HDAC9: variants seen among roughly 807,000 people sequenced by gnomAD.
The protein encoded by HDAC9 is histone deacetylase 9.
A neutral mutation model predicts 139.4 loss-of-function variants in HDAC9; 41 were observed. That is an observed-to-expected ratio of 0.29 (90% CI 0.23 to 0.38). The LOEUF is 0.38. Ranked by LOEUF, HDAC9 falls within the 10% of genes least tolerant of loss-of-function variation. The pLI is 1.00. For synonymous variants in HDAC9, 517 were observed against 476.2 expected, an observed-to-expected ratio of 1.09 and a Z score of -1.12; for missense variants, 1,147 against 1,297.0, an observed-to-expected ratio of 0.88 and a Z score of 1.78.
At chr7:18,868,307 A>C (rs12536081) in intron 21 of HDAC9, among the ~76,000 whole-genome samples, 67,993 of 151,938 alleles carry the variant, frequency 0.45, 16,043 homozygotes, top group African/African-American at 0.6. Flanking sequence ...CTGGATCCCC[A>C]TAAATGACAA....
intron 2 of HDAC9, among the ~76,000 whole-genome samples, chr7:18,218,092 G>A (rs1203390524): frequency 1.3e-5 from 2 of 152,158 alleles, no homozygotes; most frequent in Non-Finnish European, 2.9e-5. Flanking sequence ...GCTGCAGAGT[G>A]AGTGATCCAA....
chr7:18,861,125 TAA>T (rs916841846), intron 21 of HDAC9, among the ~76,000 whole-genome samples: 2 of 152,206 alleles, frequency 1.3e-5, no homozygotes, highest in African/African-American at 4.8e-5. Flanking sequence ...GTTGCAAACT[TAA>T]AGACACATTT....
At chr7:18,567,340 C>T (rs1355945837) in intron 2 of HDAC9, among the ~76,000 whole-genome samples, 1 of 152,166 alleles carries the variant, frequency 6.6e-6, no homozygotes, top group African/African-American at 2.4e-5. Context: ...GAGCATTTAC[C>T]TTAGCATAGA....
At position 18,815,199 on chromosome 7, in the gene HDAC9, C is replaced by T. The variant is rs185411890; in HGVS notation, c.2323-13962C>T. Among the ~76,000 whole-genome samples the T allele has an allele frequency of 5.8e-3, 877 of 151,624 alleles. 6 individuals are homozygous for T. The highest frequency in any genetic ancestry group is 0.012 in the Admixed American group (184 of 15,248). The stretch of plus-strand genomic sequence containing the variant: ...AAAAACAAAAACAAATCTTCTTCTT[C>T]CCTAATTTATTTTTTTTTTGAAGTT... On this transcript the variant is annotated intron_variant, in intron 17 of 25. Coordinates refer to ENST00000686413, the MANE Select transcript of HDAC9 (RefSeq NM_178425.4).
chr7:18,648,794 GA>G, intron 11 of HDAC9, 111 bp downstream of exon 11: 1 of 893,314 alleles, frequency 1.1e-6, no homozygotes, highest in Non-Finnish European at 1.8e-6. Context: ...CAGCAAAAAG[GA>G]TGTGATCATC....
intron 1 of HDAC9, among the ~76,000 whole-genome samples, chr7:18,131,289 C>G (rs1009319785): frequency 6.6e-6 from 1 of 151,944 alleles, no homozygotes; most frequent in African/African-American, 2.4e-5. Flanking sequence ...ATTCAGTGCC[C>G]AATATTTGTT....
At chr7:18,530,904 T>G (rs1008344266) in intron 2 of HDAC9, among the ~76,000 whole-genome samples, 1 of 151,738 alleles carries the variant, frequency 6.6e-6, no homozygotes, top group Middle Eastern at 3.4e-3. Context: ...TATAAAGGCT[T>G]ACAGTGAAAA....
intron 1 of HDAC9, among the ~76,000 whole-genome samples, chr7:18,472,444 TCA>T (rs1794797780): frequency 6.6e-6 from 1 of 152,138 alleles, no homozygotes; most frequent in Non-Finnish European, 1.5e-5. Flanking sequence ...CCCCGGAAGC[TCA>T]GTCTTTGTTC....
intron 17 of HDAC9, among the ~76,000 whole-genome samples, chr7:18,806,442 G>GTA (rs1793715960): frequency 6.6e-6 from 1 of 152,068 alleles, no homozygotes; most frequent in Non-Finnish European, 1.5e-5. Flanking sequence ...GCTGCCCTTA[G>GTA]CTCCTAGAGT....
chr7:18,332,509 T>A (rs1486335357), intron 1 of HDAC9, among the ~76,000 whole-genome samples: 1 of 151,402 alleles, frequency 6.6e-6, no homozygotes, highest in Non-Finnish European at 1.5e-5. Flanking sequence ...TACTTAAAAT[T>A]GAGTATATTC....
intron 12 of HDAC9, chr7:18,667,281 A>G (rs541892167): frequency 1.0e-6 from 1 of 985,062 alleles, no homozygotes; most frequent in East Asian, 1.1e-4. Flanking sequence ...TGGTCCAATC[A>G]GATACAATAT....
chr7:18,243,534 C>CA (rs1264105129), intron 2 of HDAC9, among the ~76,000 whole-genome samples: 2 of 152,228 alleles, frequency 1.3e-5, no homozygotes, highest in Non-Finnish European at 2.9e-5. Flanking sequence ...AAATTCCACT[C>CA]AGAGTGGGGA....
chr7:18,304,644 C>T (rs1488634814), intron 1 of HDAC9, among the ~76,000 whole-genome samples: 2 of 152,062 alleles, frequency 1.3e-5, no homozygotes, highest in Non-Finnish European at 2.9e-5. Flanking sequence ...ATCAGTGAAT[C>T]TCAGAAACTA....
At chr7:18,301,718 G>A (rs539030115) in intron 1 of HDAC9, among the ~76,000 whole-genome samples, 2 of 152,204 alleles carry the variant, frequency 1.3e-5, no homozygotes, top group African/African-American at 2.4e-5. Flanking sequence ...AAATAAATCT[G>A]CCCTCAAATG....
rs146206117 is a variant in HDAC9, at chr7:18,834,655, C to A, written c.2467-812C>A. Among the ~76,000 whole-genome samples the A allele has an allele frequency of 5.8e-3, 874 of 151,664 alleles. 1 individual carries two copies. The highest frequency in any genetic ancestry group is 8.5e-3 in the Non-Finnish European group (576 of 67,934). On this transcript the variant is annotated intron_variant, in intron 19 of 25. Coordinates refer to ENST00000686413, the MANE Select transcript of HDAC9 (RefSeq NM_178425.4). ...GCAGATTGCACAAGATTGCATAAAACCCCATGCCATCTTTCTGCTTTGGCC... is the reference window on the plus strand; with the variant it reads ...GCAGATTGCACAAGATTGCATAAAAACCCATGCCATCTTTCTGCTTTGGCC...
At chr7:18,213,755 T>A (rs917331) in intron 2 of HDAC9, among the ~76,000 whole-genome samples, 60,299 of 152,026 alleles carry the variant, frequency 0.4, 13,710 homozygotes, top group Admixed American at 0.52. Flanking sequence ...GCACCACTTC[T>A]TGGAAAAGCG....
intron 2 of HDAC9, among the ~76,000 whole-genome samples, chr7:18,162,922 C>T (rs1787745077): frequency 6.6e-6 from 1 of 152,170 alleles, no homozygotes. Context: ...ACACCCGTTC[C>T]TCCAGGAACA....
intron 1 of HDAC9, among the ~76,000 whole-genome samples, chr7:18,392,307 T>TCACA (rs1228263064): frequency 7.3e-6 from 1 of 137,512 alleles, no homozygotes; most frequent in African/African-American, 3.2e-5. Context: ...TCTCTCTCTC[T>TCACA]CTCTCTCTCA....
At chr7:18,364,690 A>G (rs1456031384) in intron 1 of HDAC9, among the ~76,000 whole-genome samples, 1 of 152,136 alleles carries the variant, frequency 6.6e-6, no homozygotes, top group Non-Finnish European at 1.5e-5. Flanking sequence ...AAGCTTGAGA[A>G]GGCCTGGTCT....
Sources: gnomAD v4.1 joint callset for allele counts (sites outside exome capture counted in the v4.1 genomes callset) on GRCh38, gnomAD v4.1.1 for gene constraint, MANE v1.5 for transcripts, NCBI Gene and HGNC (gene_info 2026-07-23, HGNC 2026-07-21) for gene names.